CYB5R4: variants seen among roughly 807,000 people sequenced by gnomAD.
CYB5R4 encodes the protein cytochrome b5 reductase 4.
CYB5R4 carries 55 observed loss-of-function variants against 70.2 expected under a neutral mutation model. The ratio of observed to expected loss-of-function variants is 0.78; its 90% CI spans 0.63 to 0.98. CYB5R4 has a LOEUF of 0.98. Ranked by LOEUF, CYB5R4 falls within the 50% of genes least tolerant of loss-of-function variation. CYB5R4 has a pLI of 0.00. For synonymous variants in CYB5R4, 197 were observed against 199.5 expected, an observed-to-expected ratio of 0.99 and a Z score of 0.11; for missense variants, 562 against 612.6, an observed-to-expected ratio of 0.92 and a Z score of 0.87.
intron 2 of CYB5R4, among the ~76,000 whole-genome samples, chr6:83,887,072 C>T (rs1055840790): frequency 6.6e-6 from 1 of 152,022 alleles, no homozygotes; most frequent in Non-Finnish European, 1.5e-5. Flanking sequence ...ATAAAATGCA[C>T]AAATGAAAAA....
chr6:83,910,141 C>G, intron 4 of CYB5R4: 1 of 1,596,190 alleles, frequency 6.3e-7, no homozygotes, highest in South Asian at 1.1e-5. Context: ...ACATTACTTT[C>G]AAAGATTTCT....
intron 9 of CYB5R4, 149 bp downstream of exon 9, chr6:83,922,619 CT>C (rs58965806): frequency 5.2e-3 from 2,764 of 535,548 alleles, no homozygotes; most frequent in South Asian, 7.6e-3. Context: ...GATGTTTTCT[CT>C]TTTTTTTTTA....
chr6:83,908,726 G>A (rs955741931), intron 3 of CYB5R4, among the ~76,000 whole-genome samples: 2 of 152,048 alleles, frequency 1.3e-5, no homozygotes, highest in African/African-American at 2.4e-5. Flanking sequence ...AAAAAAGTGA[G>A]TAACTTTTTA....
At chr6:83,947,558 A>G (rs773734088) in intron 14 of CYB5R4, among the ~76,000 whole-genome samples, 4 of 152,180 alleles carry the variant, frequency 2.6e-5, no homozygotes, top group Non-Finnish European at 5.9e-5. Flanking sequence ...AATGGGCTCT[A>G]ATTAAGAGCT....
intron 4 of CYB5R4, among the ~76,000 whole-genome samples, chr6:83,912,318 A>G (rs1478372602): frequency 6.6e-6 from 1 of 152,132 alleles, no homozygotes; most frequent in Non-Finnish European, 1.5e-5. Flanking sequence ...TTTTTATCCA[A>G]ATGGTATGTC....
In CYB5R4 at chr6:83,961,893, T is replaced by C. The variant is rs2099473404; in HGVS notation, c.*2015T>C. The stretch of plus-strand genomic sequence containing the variant: ...TTTATATTTTTGTTTATATTTTATT[T>C]ATATTTTGTTTATATTTTGTTATAT... On this transcript the variant is annotated 3_prime_UTR_variant, in exon 16 of 16. Coordinates refer to ENST00000369681, the MANE Select transcript of CYB5R4 (RefSeq NM_016230.4). 3 of 150,582 alleles carry C rather than the reference T, an allele frequency of 2.0e-5. No homozygotes were observed. The highest frequency in any genetic ancestry group is 7.4e-5 in the African/African-American group (3 of 40,816). The allele number at this position is 150,582 out of a possible 1,614,324, so 9.3% of individuals were successfully genotyped here.
intron 14 of CYB5R4, among the ~76,000 whole-genome samples, chr6:83,952,269 A>G (rs1243498028): frequency 6.6e-6 from 1 of 152,208 alleles, no homozygotes; most frequent in Non-Finnish European, 1.5e-5. Context: ...TGTGCTTGAC[A>G]TTACAAAAAG....
intron 14 of CYB5R4, among the ~76,000 whole-genome samples, chr6:83,943,843 G>A (rs755270098): frequency 4.6e-5 from 7 of 151,680 alleles, no homozygotes; most frequent in East Asian, 2.0e-4. Context: ...TCGATCAAGC[G>A]GAAGAAAGGA....
intron 2 of CYB5R4, among the ~76,000 whole-genome samples, chr6:83,884,286 G>A (rs896406564): frequency 4.6e-5 from 7 of 151,898 alleles, no homozygotes; most frequent in Admixed American, 1.3e-4. Flanking sequence ...ACTACATGAT[G>A]TCTATAAGAG....
At chr6:83,922,511 A>G (rs751322793) in intron 9 of CYB5R4, 41 bp downstream of exon 9, 6 of 1,429,084 alleles carry the variant, frequency 4.2e-6, no homozygotes, top group South Asian at 2.4e-5. Context: ...GTACGTACAT[A>G]TACACATACC....
intron 14 of CYB5R4, among the ~76,000 whole-genome samples, chr6:83,947,050 A>G (rs1432861101): frequency 1.3e-5 from 2 of 152,200 alleles, no homozygotes; most frequent in African/African-American, 4.8e-5. Flanking sequence ...AATTAGAAAA[A>G]AACTATTTTA....
chr6:83,866,540 C>G (rs989949787), intron 2 of CYB5R4, among the ~76,000 whole-genome samples: 1 of 152,038 alleles, frequency 6.6e-6, no homozygotes, highest in East Asian at 1.9e-4. Flanking sequence ...TACACTGCTC[C>G]CGGTTCCATA....
chr6:83,940,583 T>G lies in CYB5R4; in HGVS notation c.1328T>G (p.Leu443Ter). 6.2e-7 allele frequency: 1 copy of G among 1,601,382 alleles called. No homozygotes were observed. The highest frequency in any genetic ancestry group is 8.5e-7 in the Non-Finnish European group (1 of 1,176,066). ...DIIWRSQLEK[L>*]AFKDKRLDVE... ...ATTTGGAGAAGCCAATTGGAGAAAT[T>G]AGCATTTAAAGATAAAAGGTATTAA... is the stretch of plus-strand genomic sequence containing the variant. The change falls in exon 14 of 16, where the codon TTA becomes TGA. Residue 443 changes from leucine to a stop codon, truncating the protein, a stop_gained. Transcript: ENST00000369681. LOFTEE classifies it high-confidence loss of function.
At chr6:83,942,556 C>A (rs2099469937) in intron 14 of CYB5R4, among the ~76,000 whole-genome samples, 1 of 152,198 alleles carries the variant, frequency 6.6e-6, no homozygotes, top group African/African-American at 2.4e-5. Context: ...AGACACCAAG[C>A]TAGCTGCAGG....
At chr6:83,949,458 A>G (rs1047868163) in intron 14 of CYB5R4, among the ~76,000 whole-genome samples, 4 of 152,270 alleles carry the variant, frequency 2.6e-5, no homozygotes, top group Non-Finnish European at 5.9e-5. Flanking sequence ...GACCCTCTCT[A>G]TATCACTTTC....
chr6:83,899,809 A>G (rs1379573057), intron 3 of CYB5R4, among the ~76,000 whole-genome samples: 9 of 152,010 alleles, frequency 5.9e-5, no homozygotes, highest in Non-Finnish European at 1.2e-4. Context: ...ATCAGTGGTG[A>G]TATCCCCTTT....
At chr6:83,860,102 C>T (rs1044117467) in intron 1 of CYB5R4, among the ~76,000 whole-genome samples, 1 of 152,108 alleles carries the variant, frequency 6.6e-6, no homozygotes, top group Non-Finnish European at 1.5e-5. Context: ...CCGTTCCCTT[C>T]CTCCAAGTCC....
intron 15 of CYB5R4, among the ~76,000 whole-genome samples, chr6:83,956,288 T>C (rs1373226862): frequency 6.6e-6 from 1 of 152,110 alleles, no homozygotes; most frequent in East Asian, 1.9e-4. Context: ...TGATACATTT[T>C]AGGGAGGCAT....
At chr6:83,897,683 A>G (rs1309017815) in intron 3 of CYB5R4, among the ~76,000 whole-genome samples, 1 of 152,222 alleles carries the variant, frequency 6.6e-6, no homozygotes, top group Non-Finnish European at 1.5e-5. Flanking sequence ...TGTTGGCTGC[A>G]TAAATATCTT....
Sources: allele counts gnomAD v4.1 joint callset (sites outside exome capture counted in the v4.1 genomes callset), GRCh38; gene constraint gnomAD v4.1.1; transcripts MANE v1.5; gene names NCBI Gene and HGNC (gene_info 2026-07-23, HGNC 2026-07-21).